Variants in MCCC1 observed in about 807,000 individuals in gnomAD.
MCCC1 encodes the protein methylcrotonyl-CoA carboxylase subunit 1, also known as methylcrotonoyl-CoA carboxylase subunit alpha, mitochondrial.
In MCCC1, 64 loss-of-function variants were observed where a neutral mutation model predicts 83.8. That is an observed-to-expected ratio of 0.76 (90% CI 0.62 to 0.94). The LOEUF (loss-of-function observed/expected upper bound fraction) is 0.94. Among genes scored for constraint, MCCC1 ranks in the 40% least tolerant of loss-of-function variants. The pLI is 0.00. For synonymous variants in MCCC1, 322 were observed against 315.4 expected (o/e 1.02, Z -0.22); for missense variants, 807 against 904.7 (o/e 0.89, Z 1.39).
At chr3:183,112,983 T>G (rs1327081388) in intron 1 of MCCC1, among the ~76,000 whole-genome samples, 1 of 151,924 alleles carries the variant, frequency 6.6e-6, no homozygotes. Flanking sequence ...CTCACCACTT[T>G]GGGAGGCCAA....
intron 14 of MCCC1, among the ~76,000 whole-genome samples, chr3:183,029,426 G>C (rs1712870419): frequency 1.3e-5 from 2 of 152,134 alleles, no homozygotes; most frequent in African/African-American, 4.8e-5. Context: ...TGAGCTCCCT[G>C]ACTGGCATCC....
At chr3:183,021,475 C>T (rs902480478) in intron 16 of MCCC1, among the ~76,000 whole-genome samples, 20 of 152,164 alleles carry the variant, frequency 1.3e-4, no homozygotes, top group Non-Finnish European at 2.2e-4. Flanking sequence ...CTGCCTTGGC[C>T]TCCCAAAGTG....
At chr3:183,083,911 A>G (rs964181396) in intron 4 of MCCC1, among the ~76,000 whole-genome samples, 1 of 152,236 alleles carries the variant, frequency 6.6e-6, no homozygotes, top group Non-Finnish European at 1.5e-5. Flanking sequence ...GTCTGGTCCA[A>G]TGAATAGGGA....
chr3:183,069,120 T>C (rs909875953), intron 7 of MCCC1, among the ~76,000 whole-genome samples: 1 of 152,144 alleles, frequency 6.6e-6, no homozygotes, highest in Non-Finnish European at 1.5e-5. Context: ...CTTCTATAGT[T>C]CAAAAAATAT....
At chr3:183,072,558 G>C (rs1157587073) in intron 4 of MCCC1, 71 bp from the exon 5 acceptor site, 3 of 1,580,898 alleles carry the variant, frequency 1.9e-6, no homozygotes, top group Non-Finnish European at 2.6e-6. Context: ...TGCAGGTGAA[G>C]CTGTCTTCCT....
intron 8 of MCCC1, among the ~76,000 whole-genome samples, chr3:183,055,738 A>AT (rs1038096571): frequency 6.6e-6 from 1 of 152,034 alleles, no homozygotes; most frequent in African/African-American, 2.4e-5. Flanking sequence ...TCTACAATAC[A>AT]TTAAAAAAAA....
intron 11 of MCCC1, among the ~76,000 whole-genome samples, chr3:183,040,438 C>T (rs1277765645): frequency 1.3e-5 from 2 of 151,564 alleles, no homozygotes; most frequent in East Asian, 1.9e-4. Context: ...TGGCCAGGCA[C>T]GGTGGCTCAC....
chr3:183,070,377 G>T (rs1383974996), intron 7 of MCCC1, among the ~76,000 whole-genome samples: 3 of 152,136 alleles, frequency 2.0e-5, no homozygotes, highest in African/African-American at 7.2e-5. Context: ...CCAACAAAAA[G>T]AATGAGGCTG....
chr3:183,062,783 AC>A (rs1410418096), intron 7 of MCCC1, among the ~76,000 whole-genome samples: 1 of 151,874 alleles, frequency 6.6e-6, no homozygotes, highest in Non-Finnish European at 1.5e-5. Context: ...TTTCTGATTG[AC>A]CCTTTTCTGT....
intron 7 of MCCC1, among the ~76,000 whole-genome samples, chr3:183,065,342 G>C (rs911935059): frequency 6.6e-6 from 1 of 152,144 alleles, no homozygotes; most frequent in African/African-American, 2.4e-5. Flanking sequence ...TCCTGGCTTA[G>C]GGAATGAGTC....
intron 11 of MCCC1, among the ~76,000 whole-genome samples, chr3:183,039,835 G>A (rs1192685489): frequency 6.6e-6 from 1 of 151,992 alleles, no homozygotes; most frequent in African/African-American, 2.4e-5. Context: ...GGTGGCTCAC[G>A]CCTGTACTCC....
chr3:183,057,276 G>A (rs760730469), intron 8 of MCCC1, 35 bp downstream of exon 8: 89 of 1,439,266 alleles, frequency 6.2e-5, no homozygotes, highest in Non-Finnish European at 8.5e-5. Flanking sequence ...TTCACATTAC[G>A]GAGAAGCTTA....
Position 183,045,393 on chromosome 3 carries a change from A to T in MCCC1, c.1083+20T>A. On this transcript the variant is annotated intron_variant, in intron 10 of 18. Transcript: ENST00000265594. ...CCGCACCCAGCCAAGGCTGATTTTT[A>T]ATAGAAAAAATATTCTCACTCTAAG... The T allele has an allele frequency of 6.2e-7, 1 of 1,613,344 alleles. No homozygotes were observed. Among genetic ancestry groups the T allele is most frequent in the Middle Eastern group, 1.7e-4 (1 of 6,058 alleles).
At chr3:183,095,708 C>T (rs1410206091) in intron 1 of MCCC1, among the ~76,000 whole-genome samples, 2 of 152,128 alleles carry the variant, frequency 1.3e-5, no homozygotes, top group Non-Finnish European at 2.9e-5. Flanking sequence ...TCAATTTCCA[C>T]CCTTTAGCGG....
intron 1 of MCCC1, among the ~76,000 whole-genome samples, chr3:183,095,240 G>C (rs1718655373): frequency 6.6e-6 from 1 of 151,542 alleles, no homozygotes; most frequent in Non-Finnish European, 1.5e-5. Context: ...CCGAGACTGG[G>C]CCACTGCACT....
chr3:183,109,201 A>C (rs1719451863), intron 1 of MCCC1, among the ~76,000 whole-genome samples: 1 of 152,098 alleles, frequency 6.6e-6, no homozygotes, highest in Non-Finnish European at 1.5e-5. Context: ...CATGTTGCCC[A>C]GGCTGGTCTT....
intron 9 of MCCC1, among the ~76,000 whole-genome samples, chr3:183,051,100 T>A (rs1714941397): frequency 6.6e-6 from 1 of 152,204 alleles, no homozygotes; most frequent in Admixed American, 6.5e-5. Context: ...CACTTTAGAA[T>A]AGAGTTTGTC....
intron 3 of MCCC1, among the ~76,000 whole-genome samples, chr3:183,089,105 A>T (rs1383243205): frequency 6.6e-6 from 1 of 152,228 alleles, no homozygotes; most frequent in African/African-American, 2.4e-5. Context: ...TTACCAATAT[A>T]TATTTCCATC....
chr3:183,049,516 G>A (rs1714798420), intron 9 of MCCC1, among the ~76,000 whole-genome samples: 1 of 150,178 alleles, frequency 6.7e-6, no homozygotes, highest in South Asian at 2.1e-4. Context: ...AGGTTGCAGT[G>A]AGCCAAGATC....
Sources: gnomAD v4.1 joint callset for allele counts (sites outside exome capture counted in the v4.1 genomes callset) on GRCh38, gnomAD v4.1.1 for gene constraint, MANE v1.5 for transcripts, NCBI Gene and HGNC (gene_info 2026-07-23, HGNC 2026-07-21) for gene names.